The following TBC1D8 variants were observed in gnomAD, a reference collection of about 807,000 sequenced individuals.
TBC1D8 encodes the protein BUB2-like protein 1.
A neutral mutation model predicts 118.8 loss-of-function variants in TBC1D8; 65 were observed. The ratio of observed to expected loss-of-function variants is 0.55; its 90% confidence interval spans 0.45 to 0.67. TBC1D8 has a LOEUF of 0.67. Ranked by LOEUF, TBC1D8 falls within the 30% of genes least tolerant of loss-of-function variation. TBC1D8 has a pLI of 0.00. For missense variants in TBC1D8, 1,376 were observed against 1,471.2 expected, an observed-to-expected ratio of 0.94 and a Z score of 1.06; for synonymous variants, 566 against 595.8, an observed-to-expected ratio of 0.95 and a Z score of 0.73.
At chr2:101,107,332 G>T (rs1249598722) in intron 1 of TBC1D8, among the ~76,000 whole-genome samples, 1 of 152,086 alleles carries the variant, frequency 6.6e-6, no homozygotes, top group Non-Finnish European at 1.5e-5. Context: ...ATTTCTGGTG[G>T]TATCTGTGAG....
chr2:101,096,602 G>C (rs777128173), intron 1 of TBC1D8, among the ~76,000 whole-genome samples: 5 of 151,916 alleles, frequency 3.3e-5, no homozygotes, highest in Non-Finnish European at 7.4e-5. Flanking sequence ...AGAACAGATG[G>C]GTAAACAGAG....
intron 1 of TBC1D8, among the ~76,000 whole-genome samples, chr2:101,132,820 G>C (rs994747325): frequency 6.6e-6 from 1 of 151,696 alleles, no homozygotes; most frequent in Non-Finnish European, 1.5e-5. Flanking sequence ...GGCTGGTCTT[G>C]AACTCCTGGG....
chr2:101,100,858 C>A (rs1012930939), intron 1 of TBC1D8, among the ~76,000 whole-genome samples: 2 of 152,120 alleles, frequency 1.3e-5, no homozygotes, highest in African/African-American at 4.8e-5. Flanking sequence ...GAAACTGGAC[C>A]CCTTCCTTAC....
At chr2:101,063,722 CA>C (rs1343343199) in intron 2 of TBC1D8, among the ~76,000 whole-genome samples, 4 of 151,732 alleles carry the variant, frequency 2.6e-5, no homozygotes, top group African/African-American at 7.3e-5. Context: ...AGCAGTTTTT[CA>C]AATTACATAA....
At chr2:101,055,169 C>A (rs1443683778) in intron 3 of TBC1D8, among the ~76,000 whole-genome samples, 2 of 151,742 alleles carry the variant, frequency 1.3e-5, no homozygotes, top group African/African-American at 4.8e-5. Flanking sequence ...GTGGGCAGAT[C>A]ACTTTAGGCC....
At chr2:101,077,310 T>G (rs999553617) in intron 2 of TBC1D8, among the ~76,000 whole-genome samples, 2 of 143,750 alleles carry the variant, frequency 1.4e-5, no homozygotes, top group Admixed American at 7.1e-5. Context: ...TGCAGTGGCA[T>G]GATCTCGGCT....
Position 101,054,315 on chromosome 2 carries a change from T to C in TBC1D8, c.424A>G (p.Ser142Gly). 1 of 1,567,906 alleles carries C rather than the reference T, an allele frequency of 6.4e-7. No individual in the cohort carries two copies. The highest frequency in any genetic ancestry group is 8.7e-7 in the Non-Finnish European group (1 of 1,155,698). ...TCCTCCTGCTCGGCGAGCCTGCTGCTGGTCTCCTCGGCTATCAGAGCCTGA... is the reference window on the plus strand; with the variant it reads ...TCCTCCTGCTCGGCGAGCCTGCTGCCGGTCTCCTCGGCTATCAGAGCCTGA... ...KVKALIAEET[S>G]SRLAEQEEEP... Residue 142 changes from serine (S) to glycine (G), a missense_variant, in exon 4 of 20, where the codon AGC (serine) becomes GGC (glycine). Transcript: ENST00000409318.
chr2:101,012,437 C>A lies in TBC1D8; in HGVS notation c.2828-897G>T, dbSNP rs75834766. ...AAACATCATGCTAGGTGAGAGAAGT[C>A]GAACATGATACAGCAACTCCATTTA... On this transcript the variant is annotated intron_variant, in intron 17 of 19. Transcript: ENST00000409318. Among the ~76,000 whole-genome samples, 11 of 152,292 alleles carry A rather than the reference C, an allele frequency of 7.2e-5. No homozygotes were observed. The East Asian group carries it at 2.1e-3, about 29-fold the overall frequency.
chr2:101,133,415 C>T (rs1289561046), intron 1 of TBC1D8, among the ~76,000 whole-genome samples: 1 of 152,118 alleles, frequency 6.6e-6, no homozygotes, highest in African/African-American at 2.4e-5. Flanking sequence ...TCCATCTTCC[C>T]TCTCTCCCTG....
At chr2:101,061,307 G>A (rs1019767692) in intron 2 of TBC1D8, among the ~76,000 whole-genome samples, 1 of 151,960 alleles carries the variant, frequency 6.6e-6, no homozygotes, top group African/African-American at 2.4e-5. Context: ...ACACAAGAAG[G>A]TGCCAGGGGA....
In TBC1D8 at chr2:101,037,512, G is replaced by C. The variant is rs749219267; in HGVS notation, c.1452+20C>G. The stretch of plus-strand genomic sequence containing the variant: ...ACGGCTCAGCTTTGTGGTCCAGCTT[G>C]GGCACCAGGCGTCACCCACCATTCG... On this transcript the variant is annotated intron_variant, in intron 8 of 19. Transcript: ENST00000409318. 6.8e-6 allele frequency: 11 copies of C among 1,609,526 alleles called. No homozygotes were observed. In the South Asian group the frequency reaches 1.2e-4, roughly 18 times the overall value.
intron 1 of TBC1D8, among the ~76,000 whole-genome samples, chr2:101,148,805 A>T (rs1679425741): frequency 6.6e-6 from 1 of 152,134 alleles, no homozygotes. Flanking sequence ...AATGTGTATC[A>T]CTGTAGCCCT....
chr2:101,022,661 C>T lies in TBC1D8; in HGVS notation c.2521-140G>A, dbSNP rs975677185. 9.6e-6 allele frequency: 12 copies of T among 1,252,050 alleles called. No individual in the cohort carries two copies. The East Asian group carries it at 1.1e-4, about 12-fold the overall frequency. 77.6% of individuals were successfully genotyped at this position (1,252,050 alleles called of 1,614,324 possible). A position where few individuals can be genotyped will look rare whatever the true frequency, so the allele number is the denominator to read the frequency against. ...TAAAAGTGTTCCCTTGTTACCCTGA[C>T]ATCCTTACCCACATGAACATGTAAT... On this transcript the variant is annotated intron_variant, in intron 15 of 19. Coordinates refer to ENST00000409318, the MANE Select transcript of TBC1D8 (RefSeq NM_001330348.2).
chr2:101,099,319 G>A (rs932236417), intron 1 of TBC1D8, among the ~76,000 whole-genome samples: 9 of 152,054 alleles, frequency 5.9e-5, no homozygotes, highest in Non-Finnish European at 8.8e-5. Flanking sequence ...GGAAGAAGTC[G>A]AATCCCTGAA....
At chr2:101,116,603 T>A (rs1042882001) in intron 1 of TBC1D8, among the ~76,000 whole-genome samples, 1 of 151,992 alleles carries the variant, frequency 6.6e-6, no homozygotes, top group African/African-American at 2.4e-5. Flanking sequence ...CAGGGCCACA[T>A]TGAAGGTGTG....
intron 1 of TBC1D8, among the ~76,000 whole-genome samples, chr2:101,094,721 T>C (rs1676276960): frequency 6.6e-6 from 1 of 152,140 alleles, no homozygotes; most frequent in South Asian, 2.1e-4. Context: ...GGTGGGAAAG[T>C]GGACAGAGCA....
intron 1 of TBC1D8, among the ~76,000 whole-genome samples, chr2:101,110,308 A>G (rs62155205): frequency 0.15 from 22,910 of 152,160 alleles, 1,888 homozygotes; most frequent in Middle Eastern, 0.25. Flanking sequence ...CCTTGTGCTA[A>G]CCACAGGCAG....
At chr2:101,021,626 C>T (rs1680033224) in intron 17 of TBC1D8, 55 bp downstream of exon 17, 1 of 1,198,548 alleles carries the variant, frequency 8.3e-7, no homozygotes, top group Non-Finnish European at 1.2e-6. Flanking sequence ...ATGCACAAAG[C>T]TGATACTGTG....
intron 3 of TBC1D8, 44 bp from the exon 4 acceptor site, chr2:101,054,380 G>A (rs549035994): frequency 2.6e-6 from 4 of 1,541,542 alleles, no homozygotes; most frequent in Non-Finnish European, 3.5e-6. Flanking sequence ...AGCCAGCAAT[G>A]GGAAGGCAGG....
Sources: gnomAD v4.1 joint callset for allele counts (sites outside exome capture counted in the v4.1 genomes callset) on GRCh38, gnomAD v4.1.1 for gene constraint, MANE v1.5 for transcripts, NCBI Gene and HGNC (gene_info 2026-07-23, HGNC 2026-07-21) for gene names.